Variants in MYO9A observed in about 807,000 individuals in gnomAD.
MYO9A encodes myosin IXA, also known as unconventional myosin-IXa.
Under a neutral mutation model 293.3 loss-of-function variants are expected in MYO9A, and 103 were observed. The ratio of observed to expected loss-of-function variants is 0.35; its 90% CI spans 0.30 to 0.41. MYO9A has a LOEUF of 0.41. Among genes scored for constraint, MYO9A ranks in the 10% least tolerant of loss-of-function variants. MYO9A has a pLI of 1.00. For missense variants in MYO9A, 2,685 were observed against 3,033.0 expected (o/e 0.89, Z 2.69); for synonymous variants, 1,001 against 1,035.7 (o/e 0.97, Z 0.64).
At chr15:71,939,761 G>C (rs1484240489) in intron 15 of MYO9A, among the ~76,000 whole-genome samples, 1 of 152,124 alleles carries the variant, frequency 6.6e-6, no homozygotes, top group African/African-American at 2.4e-5. Flanking sequence ...GTAAGCATAA[G>C]GCTATCAATT....
chr15:72,107,257 A>G (rs2080601757), intron 1 of MYO9A, among the ~76,000 whole-genome samples: 1 of 152,202 alleles, frequency 6.6e-6, no homozygotes, highest in Non-Finnish European at 1.5e-5. Context: ...TGGTTTCTAA[A>G]TACAATCTCG....
At chr15:71,994,182 G>A (rs2076628236) in intron 10 of MYO9A, among the ~76,000 whole-genome samples, 1 of 151,686 alleles carries the variant, frequency 6.6e-6, no homozygotes, top group Admixed American at 6.6e-5. Flanking sequence ...GAGATTCTAG[G>A]TAAAAAAAAT....
At chr15:71,935,988 T>A (rs1402838209) in intron 16 of MYO9A, among the ~76,000 whole-genome samples, 1 of 151,758 alleles carries the variant, frequency 6.6e-6, no homozygotes, top group East Asian at 1.9e-4. Context: ...ATTGCAGATA[T>A]AGCAATGAAC....
intron 34 of MYO9A, among the ~76,000 whole-genome samples, chr15:71,855,957 T>C (rs1166185903): frequency 6.6e-6 from 1 of 152,176 alleles, no homozygotes; most frequent in Non-Finnish European, 1.5e-5. Context: ...CTTACATTCA[T>C]ACATTTGTCA....
chr15:72,023,955 C>T (rs185827256), intron 4 of MYO9A, among the ~76,000 whole-genome samples: 75 of 151,502 alleles, frequency 5.0e-4, no homozygotes, highest in African/African-American at 1.8e-3. Flanking sequence ...AGAAATTCCT[C>T]ATCAAGGAAT....
At chr15:71,913,943 A>G (rs576993861) in intron 19 of MYO9A, among the ~76,000 whole-genome samples, 26 of 152,268 alleles carry the variant, frequency 1.7e-4, no homozygotes, top group African/African-American at 6.3e-4. Flanking sequence ...CTGTATAAGT[A>G]CCAGAAATTG....
intron 32 of MYO9A, among the ~76,000 whole-genome samples, chr15:71,865,946 A>G (rs1224825562): frequency 2.0e-5 from 3 of 152,210 alleles, no homozygotes; most frequent in Non-Finnish European, 4.4e-5. Flanking sequence ...TATTAAAGAG[A>G]TGTGAATTCA....
At chr15:71,931,068 G>A (rs966728203) in intron 18 of MYO9A, among the ~76,000 whole-genome samples, 1 of 152,032 alleles carries the variant, frequency 6.6e-6, no homozygotes, top group Non-Finnish European at 1.5e-5. Flanking sequence ...CAACAGTTTT[G>A]TATTTCAACC....
chr15:71,919,339 G>A (rs2058094441), intron 18 of MYO9A, among the ~76,000 whole-genome samples: 1 of 152,008 alleles, frequency 6.6e-6, no homozygotes, highest in Non-Finnish European at 1.5e-5. Context: ...TATTCGGGAG[G>A]TGGAGATAAG....
Position 71,904,825 on chromosome 15 carries a change from TTA to T in MYO9A, c.2766+99_2766+100del, listed in dbSNP as rs537541002. ...TAACATACTATTTTCCTTATAAATATTATAGTTAGTGCTTCCCCTCCACTTAT... is the reference window on the plus strand; with the variant it reads ...TAACATACTATTTTCCTTATAAATATTAGTTAGTGCTTCCCCTCCACTTAT... On this transcript the variant is annotated intron_variant, in intron 20 of 41. Transcript: ENST00000356056. 3.9e-3 allele frequency: 2,723 copies of T among 692,188 alleles called. 14 individuals carry two copies. Among genetic ancestry groups the T allele is most frequent in the South Asian group, 7.0e-3 (242 of 34,574 alleles). 42.9% of individuals were successfully genotyped at this position (692,188 alleles called of 1,614,324 possible).
In MYO9A at chr15:71,866,662, T is replaced by C. The variant is rs184590625; in HGVS notation, c.5980-4051A>G. On this transcript the variant is annotated intron_variant, in intron 32 of 41. Transcript: ENST00000356056. ...ACATTAATTTATAAATATAAGGTAA[T>C]AGAAATAGAAGTACTAATAGATCTT... Among the ~76,000 whole-genome samples the C allele has an allele frequency of 1.5e-4, 23 of 152,074 alleles. No homozygotes were observed. The East Asian group carries it at 3.9e-3, about 26-fold the overall frequency.
At chr15:72,108,888 G>A (rs1194853716) in intron 1 of MYO9A, among the ~76,000 whole-genome samples, 1 of 150,600 alleles carries the variant, frequency 6.6e-6, no homozygotes, top group Non-Finnish European at 1.5e-5. Flanking sequence ...TCAGTCTCCC[G>A]AGTAGCTGGG....
chr15:72,114,215 T>C (rs2080884777), intron 1 of MYO9A: 2 of 152,254 alleles, frequency 1.3e-5, no homozygotes, highest in South Asian at 4.1e-4. Flanking sequence ...TTGAGTCTCT[T>C]CCCTCCAAGT....
chr15:72,044,067 C>T (rs2078308796), intron 2 of MYO9A, among the ~76,000 whole-genome samples: 1 of 151,642 alleles, frequency 6.6e-6, no homozygotes, highest in South Asian at 2.1e-4. Flanking sequence ...CCTCACAATA[C>T]TTATCATTTT....
At position 72,091,918 on chromosome 15, in the gene MYO9A, G is replaced by A. The variant is rs534128893; in HGVS notation, c.-72+25762C>T. 8.5e-5 allele frequency among the ~76,000 whole-genome samples: 13 copies of A among 152,062 alleles called. No individual in the cohort carries two copies. In the East Asian group the frequency reaches 2.3e-3, roughly 27 times the overall value. ...TTTTTAGTAGAGACGGGGTTTCACT[G>A]TGTTAGCCACGATGATCTCGATCTC... On this transcript the variant is annotated intron_variant, in intron 1 of 41. Coordinates refer to ENST00000356056, the MANE Select transcript of MYO9A (RefSeq NM_006901.4).
intron 27 of MYO9A, among the ~76,000 whole-genome samples, chr15:71,884,706 T>C (rs1303027296): frequency 2.0e-5 from 3 of 152,254 alleles, no homozygotes; most frequent in East Asian, 1.9e-4. Flanking sequence ...TCTAACCTCA[T>C]AGTTGGAGGT....
chr15:71,969,623 G>T (rs917659609), intron 12 of MYO9A, among the ~76,000 whole-genome samples: 2 of 152,108 alleles, frequency 1.3e-5, no homozygotes, highest in Non-Finnish European at 2.9e-5. Context: ...CTAGGTCAGG[G>T]TTTATTTGCC....
chr15:71,897,485 G>A lies in MYO9A; in HGVS notation c.5018C>T (p.Pro1673Leu). ...CAGGGGAATACTCATATTGTCCTTT[G>A]GAGTGAAGAAAATGGGCCTAGCATT... Reference protein sequence around the residue: ...EGNARPIFFTPKDNMSIPLVS... With the variant: ...EGNARPIFFTLKDNMSIPLVS... The change falls in exon 25 of 42, where the codon CCA becomes CTA. Residue 1673 changes from proline (P) to leucine (L), a missense_variant. Physicochemically the swap from Pro to Leu is moderately conservative, Grantham distance 98 (BLOSUM62 -3). Around this residue, in one of 10 missense-constraint regions of MYO9A, gnomAD observed 1,434 missense variants for 1,497.7 expected, o/e 0.96. Coordinates refer to ENST00000356056, the MANE Select transcript of MYO9A (RefSeq NM_006901.4). 2 of 1,613,016 alleles carry A rather than the reference G, an allele frequency of 1.2e-6. No individual in the cohort carries two copies. Among genetic ancestry groups the A allele is most frequent in the Non-Finnish European group, 8.5e-7 (1 of 1,179,288 alleles).
intron 34 of MYO9A, among the ~76,000 whole-genome samples, chr15:71,855,025 T>C (rs949840986): frequency 1.3e-5 from 2 of 152,224 alleles, no homozygotes; most frequent in Non-Finnish European, 2.9e-5. Context: ...TGAAAAATGA[T>C]TTCATAATTA....
Sources: gnomAD v4.1 joint callset for allele counts (sites outside exome capture counted in the v4.1 genomes callset) on GRCh38, gnomAD v4.1.1 for gene constraint, gnomAD v4.1.1 regional missense constraint, MANE v1.5 for transcripts, NCBI Gene and HGNC (gene_info 2026-07-23, HGNC 2026-07-21) for gene names.